PAN3: variants seen among roughly 807,000 people sequenced by gnomAD.
The protein encoded by PAN3 is PAN2-PAN3 deadenylation complex subunit PAN3.
A neutral mutation model predicts 96.2 loss-of-function variants in PAN3; 19 were observed. The observed-to-expected ratio is 0.20, with a 90% CI of 0.14 to 0.29. The LOEUF is 0.29. PAN3 is among the 10% of genes least tolerant of loss of function. PAN3 has a pLI of 1.00. For synonymous variants in PAN3, 433 were observed against 406.6 expected (o/e 1.06, Z -0.78); for missense variants, 882 against 1,108.1 (o/e 0.80, Z 2.90).
intron 4 of PAN3, among the ~76,000 whole-genome samples, chr13:28,190,318 C>G (rs991174372): frequency 2.0e-5 from 3 of 152,184 alleles, no homozygotes; most frequent in Non-Finnish European, 4.4e-5. Flanking sequence ...TCATAGCCCA[C>G]TGCAGCTTTG....
At chr13:28,167,343 A>C (rs1873712591) in intron 1 of PAN3, among the ~76,000 whole-genome samples, 1 of 151,656 alleles carries the variant, frequency 6.6e-6, no homozygotes, top group Non-Finnish European at 1.5e-5. Context: ...TATTTTTAGT[A>C]GAGATGGGGT....
chr13:28,162,167 G>T (rs911811272), intron 1 of PAN3, among the ~76,000 whole-genome samples: 42 of 152,184 alleles, frequency 2.8e-4, no homozygotes, highest in Admixed American at 9.8e-4. Flanking sequence ...TACAGAGGAA[G>T]AAACTGAGAC....
At chr13:28,283,258 A>G (rs1461637421) in intron 17 of PAN3, among the ~76,000 whole-genome samples, 7 of 152,168 alleles carry the variant, frequency 4.6e-5, no homozygotes, top group Non-Finnish European at 1.0e-4. Flanking sequence ...CATGTTGTCC[A>G]AGCTGGTCTC....
At chr13:28,261,313 T>C in intron 8 of PAN3, 88 bp from the exon 9 acceptor site, 1 of 898,382 alleles carries the variant, frequency 1.1e-6, no homozygotes, top group Non-Finnish European at 1.7e-6. Context: ...ATGCCAAAAA[T>C]ATTAATACTT....
intron 15 of PAN3, among the ~76,000 whole-genome samples, chr13:28,279,181 G>A (rs1887272787): frequency 6.6e-6 from 1 of 152,058 alleles, no homozygotes; most frequent in Non-Finnish European, 1.5e-5. Flanking sequence ...GTTCTAACAG[G>A]TAGCCCTTGA....
chr13:28,205,154 C>T (rs1232458410), intron 5 of PAN3, among the ~76,000 whole-genome samples: 1 of 152,006 alleles, frequency 6.6e-6, no homozygotes, highest in African/African-American at 2.4e-5. Context: ...TCTTTACTCA[C>T]TGGGTTTTGG....
At chr13:28,194,616 C>T (rs1877782310) in intron 4 of PAN3, among the ~76,000 whole-genome samples, 1 of 151,404 alleles carries the variant, frequency 6.6e-6, no homozygotes, top group African/African-American at 2.4e-5. Context: ...TACAGATGCA[C>T]ACTGCTACAC....
chr13:28,249,074 A>G (rs1884471321), intron 6 of PAN3, among the ~76,000 whole-genome samples: 2 of 152,162 alleles, frequency 1.3e-5, no homozygotes, highest in Admixed American at 1.3e-4. Flanking sequence ...AAAAAGTTTT[A>G]AATTTTGATG....
intron 6 of PAN3, among the ~76,000 whole-genome samples, chr13:28,244,568 A>T (rs1372117427): frequency 6.6e-6 from 1 of 152,080 alleles, no homozygotes; most frequent in Non-Finnish European, 1.5e-5. Context: ...TTATATATAC[A>T]TATTTGAGAT....
intron 1 of PAN3, among the ~76,000 whole-genome samples, chr13:28,150,517 G>A (rs1409989494): frequency 6.6e-6 from 1 of 151,516 alleles, no homozygotes; most frequent in African/African-American, 2.4e-5. Context: ...GGCACCTGTA[G>A]TACCAGCTAC....
At chr13:28,205,620 C>T (rs1304224175) in intron 5 of PAN3, among the ~76,000 whole-genome samples, 1 of 152,050 alleles carries the variant, frequency 6.6e-6, no homozygotes, top group Non-Finnish European at 1.5e-5. Flanking sequence ...GGAGGATTCA[C>T]TTGAGCCCAG....
intron 14 of PAN3, among the ~76,000 whole-genome samples, chr13:28,273,371 G>C (rs981917278): frequency 6.6e-6 from 1 of 151,966 alleles, no homozygotes; most frequent in South Asian, 2.1e-4. Context: ...AGAGGCTGAG[G>C]TGGGCAGATC....
At chr13:28,202,333 A>G (rs1878817368) in intron 5 of PAN3, among the ~76,000 whole-genome samples, 1 of 152,162 alleles carries the variant, frequency 6.6e-6, no homozygotes, top group Non-Finnish European at 1.5e-5. Flanking sequence ...AGTCTACAGT[A>G]TCTTACCCCT....
intron 1 of PAN3, among the ~76,000 whole-genome samples, chr13:28,155,108 G>T (rs551966181): frequency 3.3e-5 from 5 of 151,430 alleles, no homozygotes; most frequent in South Asian, 2.1e-4. Context: ...GAGCCACCGC[G>T]CACGGCGACT....
chr13:28,267,208 C>T lies in PAN3; in HGVS notation c.1687C>T (p.Pro563Ser). 1.2e-6 allele frequency: 2 copies of T among 1,612,574 alleles called. No homozygotes were observed. The highest frequency in any genetic ancestry group is 1.7e-6 in the Non-Finnish European group (2 of 1,178,716). Residue 563 changes from proline (P) to serine (S), a missense_variant, in exon 11 of 19, where the codon CCC becomes TCC. Pro to Ser is a moderately conservative substitution (Grantham distance 74). Around this residue, in one of 3 missense-constraint regions of PAN3, gnomAD observed 364 missense variants for 513.6 expected, o/e 0.71. Coordinates refer to ENST00000380958, the MANE Select transcript of PAN3 (RefSeq NM_175854.8). ...ATTTACCACTAAAGCATTTGCTGAG[C>T]CCTGTGAGTAACTTGTAATTTGTCT... ...EVFTTKAFAE[P>S]SLVFAYDFHA...
chr13:28,179,776 C>T (rs1336094821), intron 4 of PAN3, among the ~76,000 whole-genome samples: 1 of 151,140 alleles, frequency 6.6e-6, no homozygotes. Context: ...ACTAGAATGA[C>T]AAATTAATGT....
chr13:28,293,419 G>T lies in PAN3; in HGVS notation c.*897G>T, dbSNP rs547119016. 1.0e-3 allele frequency: 102 copies of T among 98,828 alleles called. No homozygotes were observed. Among genetic ancestry groups the T allele is most frequent in the African/African-American group, 4.8e-3 (99 of 20,764 alleles). 6.1% of individuals were successfully genotyped at this position (98,828 alleles called of 1,614,324 possible). On this transcript the variant is annotated 3_prime_UTR_variant, in exon 19 of 19. Coordinates refer to ENST00000380958, the MANE Select transcript of PAN3 (RefSeq NM_175854.8). The stretch of plus-strand genomic sequence containing the variant: ...TTTTTTTTTTTTTTTTTTTTTTTGG[G>T]CGGGGGGGAGGTTTATGAAGTTTTG...
chr13:28,187,785 C>T (rs778969035), intron 4 of PAN3, among the ~76,000 whole-genome samples: 7 of 152,046 alleles, frequency 4.6e-5, no homozygotes, highest in East Asian at 3.9e-4. Context: ...GTTCAAACTC[C>T]GACTTCAAGT....
intron 18 of PAN3, among the ~76,000 whole-genome samples, chr13:28,289,742 C>T (rs1593647211): frequency 6.6e-6 from 1 of 152,252 alleles, no homozygotes; most frequent in Middle Eastern, 3.4e-3. Context: ...GTTAGCCGGG[C>T]ATGGTGACAG....
Sources: allele counts gnomAD v4.1 joint callset (sites outside exome capture counted in the v4.1 genomes callset), GRCh38; gene constraint gnomAD v4.1.1; regional missense constraint gnomAD v4.1.1; transcripts MANE v1.5; gene names NCBI Gene and HGNC (gene_info 2026-07-23, HGNC 2026-07-21).